SH3PXD2B: variants seen among roughly 807,000 people sequenced by gnomAD.
SH3PXD2B encodes SH3 and PX domain-containing protein 2B.
In SH3PXD2B, 37 loss-of-function variants were observed where a neutral mutation model predicts 73.1. That is an observed-to-expected ratio of 0.51 (90% CI 0.39 to 0.67). SH3PXD2B has a LOEUF of 0.67. SH3PXD2B is among the 30% of genes least tolerant of loss of function. The probability of loss-of-function intolerance (pLI) is 0.00; values close to 1 mark genes in which losing one functional copy is unlikely to be tolerated. For synonymous variants in SH3PXD2B, 457 were observed against 480.5 expected, an observed-to-expected ratio of 0.95 and a Z score of 0.64; for missense variants, 1,053 against 1,197.8, an observed-to-expected ratio of 0.88 and a Z score of 1.78.
Position 172,337,837 on chromosome 5 carries a change from C to T in SH3PXD2B, c.*532G>A. On this transcript the variant is annotated 3_prime_UTR_variant, in exon 13 of 13. Transcript: ENST00000311601. ...GGGGAAGGGGACACTTTCCCTGGAA[C>T]TGGTAATGGAATGCATTTCTTCAGG... 1 of 999,972 alleles carries T rather than the reference C, an allele frequency of 1.0e-6. No individual in the cohort carries two copies. Among genetic ancestry groups the T allele is most frequent in the Non-Finnish European group, 1.2e-6 (1 of 838,178 alleles). 61.9% of individuals were successfully genotyped at this position (999,972 alleles called of 1,614,324 possible). A position where few individuals can be genotyped will look rare whatever the true frequency, so the allele number is the denominator to read the frequency against.
At chr5:172,439,684 ACGCGCGCG>A (rs1183752755) in intron 1 of SH3PXD2B, among the ~76,000 whole-genome samples, 3 of 103,286 alleles carry the variant, frequency 2.9e-5, no homozygotes, top group African/African-American at 1.3e-4. Context: ...GCGTGCGCGC[ACGCGCGCG>A]CACACACACA....
chr5:172,382,481 C>T (rs1294486170), intron 4 of SH3PXD2B, among the ~76,000 whole-genome samples: 1 of 151,524 alleles, frequency 6.6e-6, no homozygotes, highest in Non-Finnish European at 1.5e-5. Flanking sequence ...GTTTCTGATC[C>T]AGTAGTTCTG....
chr5:172,437,330 TCAG>T (rs1186061172), intron 1 of SH3PXD2B, among the ~76,000 whole-genome samples: 1 of 152,146 alleles, frequency 6.6e-6, no homozygotes, highest in East Asian at 1.9e-4. Context: ...CCTATATAGG[TCAG>T]CACCTCCAAC....
At chr5:172,442,073 C>G (rs1416378744) in intron 1 of SH3PXD2B, among the ~76,000 whole-genome samples, 1 of 152,196 alleles carries the variant, frequency 6.6e-6, no homozygotes, top group Non-Finnish European at 1.5e-5. Context: ...ACCGTAATCA[C>G]TAACAACATT....
chr5:172,339,622 G>A lies in SH3PXD2B; in HGVS notation c.1483C>T (p.Leu495=). Reference sequence around the variant, plus strand: ...GACATGTCTGAAGATGCCTTCCTCAGGACATCCTTACTGCCCTTCCAGTCT... The same window carrying A: ...GACATGTCTGAAGATGCCTTCCTCAAGACATCCTTACTGCCCTTCCAGTCT... ...SKDWKGSKDV[L]RKASSDMSAS... The change falls in exon 13 of 13, where the codon CTG becomes TTG. Residue 495 remains leucine (L), a synonymous_variant. Coordinates refer to ENST00000311601, the MANE Select transcript of SH3PXD2B (RefSeq NM_001017995.3). The surrounding 1 kb of genome is among the most constrained non-coding windows in gnomAD (Gnocchi z 6.1). The A allele has an allele frequency of 6.2e-7, 1 of 1,614,240 alleles. No individual in the cohort carries two copies. Among genetic ancestry groups the A allele is most frequent in the Non-Finnish European group, 8.5e-7 (1 of 1,180,044 alleles).
At chr5:172,366,950 TTTTG>T (rs1413836311) in intron 6 of SH3PXD2B, among the ~76,000 whole-genome samples, 3,319 of 131,384 alleles carry the variant, frequency 0.025, 233 homozygotes, top group African/African-American at 0.1. Flanking sequence ...TTTTTTTTTT[TTTTG>T]GGGACAGAGT....
At chr5:172,454,216 G>T in intron 1 of SH3PXD2B, 62 bp downstream of exon 1, 3 of 1,428,804 alleles carry the variant, frequency 2.1e-6, no homozygotes, top group East Asian at 2.5e-5. Context: ...CAAGCCGGGG[G>T]CCCTCGGTCG....
downstream of SH3PXD2B, among the ~76,000 whole-genome samples, chr5:172,332,256 CTTT>C (rs57471345): frequency 2.1e-5 from 3 of 143,000 alleles, no homozygotes; most frequent in Admixed American, 7.0e-5. Context: ...TTTTTCCTTC[CTTT>C]TTTTTTTTTT....
At position 172,336,866 on chromosome 5, in the gene SH3PXD2B, T is replaced by A; in HGVS notation, c.*1503A>T. 3.0e-6 allele frequency: 3 copies of A among 985,426 alleles called. No individual in the cohort carries two copies. The highest frequency in any genetic ancestry group is 4.7e-5 in the South Asian group (1 of 21,278). 61.0% of individuals were successfully genotyped at this position (985,426 alleles called of 1,614,324 possible). A position where few individuals can be genotyped will look rare whatever the true frequency, so the allele number is the denominator to read the frequency against. On this transcript the variant is annotated 3_prime_UTR_variant, in exon 13 of 13. Coordinates refer to ENST00000311601, the MANE Select transcript of SH3PXD2B (RefSeq NM_001017995.3). ...GACCTCAGTTTGACAGATGACCACA[T>A]CTGCCCTGGGTTTCTTCAAGGGAGA... is the stretch of plus-strand genomic sequence containing the variant.
intron 2 of SH3PXD2B, among the ~76,000 whole-genome samples, chr5:172,419,161 T>C (rs73804830): frequency 0.042 from 6,465 of 152,170 alleles, 442 homozygotes; most frequent in African/African-American, 0.15. Flanking sequence ...AAAGCTGAGA[T>C]TTGCACCCAG....
intron 1 of SH3PXD2B, among the ~76,000 whole-genome samples, chr5:172,441,710 C>A (rs1375144658): frequency 1.3e-5 from 2 of 152,058 alleles, no homozygotes; most frequent in Non-Finnish European, 2.9e-5. Context: ...ATGCCCCAAC[C>A]GAATCCAGCC....
At chr5:172,417,676 T>C (rs546045961) in intron 2 of SH3PXD2B, among the ~76,000 whole-genome samples, 3 of 152,316 alleles carry the variant, frequency 2.0e-5, no homozygotes, top group Admixed American at 2.0e-4. Flanking sequence ...TCATCTCCTC[T>C]AATCTTTACG....
At chr5:172,412,353 T>G (rs1758720213) in intron 2 of SH3PXD2B, among the ~76,000 whole-genome samples, 1 of 152,232 alleles carries the variant, frequency 6.6e-6, no homozygotes, top group Non-Finnish European at 1.5e-5. Flanking sequence ...ATGCTGCTCC[T>G]GCAACTCAGG....
chr5:172,395,013 GACAA>G (rs1758264232), intron 3 of SH3PXD2B, among the ~76,000 whole-genome samples: 1 of 152,106 alleles, frequency 6.6e-6, no homozygotes, highest in African/African-American at 2.4e-5. Flanking sequence ...CAGTACAGTG[GACAA>G]ACAGACATGC....
intron 5 of SH3PXD2B, among the ~76,000 whole-genome samples, chr5:172,381,276 C>T (rs1022826044): frequency 2.6e-5 from 4 of 151,986 alleles, no homozygotes; most frequent in South Asian, 2.1e-4. Context: ...TGAGCCCAGA[C>T]GGACCCCAAA....
At chr5:172,423,554 G>GGGGGT (rs1554141224) in intron 1 of SH3PXD2B, among the ~76,000 whole-genome samples, 35 of 144,712 alleles carry the variant, frequency 2.4e-4, no homozygotes, top group African/African-American at 9.1e-4. Context: ...TTGGGGGGGG[G>GGGGGT]GGCGCACATT....
intron 1 of SH3PXD2B, among the ~76,000 whole-genome samples, chr5:172,432,106 G>T (rs1581335026): frequency 6.6e-6 from 1 of 152,310 alleles, no homozygotes; most frequent in East Asian, 1.9e-4. Flanking sequence ...CTGGGAGGTG[G>T]AGGTTGTAGT....
intron 7 of SH3PXD2B, among the ~76,000 whole-genome samples, chr5:172,359,917 C>A (rs563204080): frequency 6.6e-6 from 1 of 152,182 alleles, no homozygotes; most frequent in South Asian, 2.1e-4. Flanking sequence ...TGAGGAAAGA[C>A]ACAGAGAGGT....
At chr5:172,329,081 A>ATTTTTTTTTTTTTT (rs67185423), downstream of SH3PXD2B, among the ~76,000 whole-genome samples, 4 of 68,218 alleles carry the variant, frequency 5.9e-5, no homozygotes, top group African/African-American at 2.5e-4. Flanking sequence ...ATATATATAT[A>ATTTTTTTTTTTTTT]TATTTTTTTT....
Sources: gnomAD v4.1 joint callset for allele counts (sites outside exome capture counted in the v4.1 genomes callset) on GRCh38, gnomAD v4.1.1 for gene constraint, Gnocchi (gnomAD v3.1) non-coding constraint, MANE v1.5 for transcripts, NCBI Gene and HGNC (gene_info 2026-07-23, HGNC 2026-07-21) for gene names.